Variants in VAV2 observed in about 807,000 individuals in gnomAD.
The protein encoded by VAV2 is guanine nucleotide exchange factor VAV2.
A neutral mutation model predicts 132.5 loss-of-function variants in VAV2; 67 were observed. The observed-to-expected ratio is 0.51, with a 90% confidence interval of 0.42 to 0.62. The LOEUF is 0.62. VAV2 is among the 20% of genes least tolerant of loss of function. The pLI is 0.00. For missense variants in VAV2, 938 were observed against 1,153.6 expected (o/e 0.81, Z 2.71); for synonymous variants, 492 against 443.5 (o/e 1.11, Z -1.37).
intron 2 of VAV2, among the ~76,000 whole-genome samples, chr9:133,898,832 TTTTTTTTTTG>T: frequency 6.9e-6 from 1 of 145,556 alleles, no homozygotes; most frequent in African/African-American, 2.5e-5. Context: ...TTTTTTTTTT[TTTTTTTTTTG>T]AGACGGAGTC....
rs925128446 is a variant in VAV2, at chr9:133,926,194, G to A, written c.321+12909C>T. On this transcript the variant is annotated intron_variant, in intron 2 of 29. Coordinates refer to ENST00000371850, the MANE Select transcript of VAV2 (RefSeq NM_001134398.2). This position sits in a 1 kb window ranked among gnomAD's most constrained non-coding sequence, Gnocchi z 4.3. The stretch of plus-strand genomic sequence containing the variant: ...TGGGGAAACTGAGGCCCAGGGAGTA[G>A]AGCAGTGACCAGTCCACGTACAATG... 2.6e-5 allele frequency: 4 copies of A among 152,396 alleles called. No individual in the cohort carries two copies. Among genetic ancestry groups the A allele is most frequent in the Non-Finnish European group, 5.9e-5 (4 of 68,274 alleles). The allele number at this position is 152,396 out of a possible 1,614,324, so 9.4% of individuals were successfully genotyped here. A position where few individuals can be genotyped will look rare whatever the true frequency, so the allele number is the denominator to read the frequency against.
intron 1 of VAV2, among the ~76,000 whole-genome samples, chr9:133,949,046 C>T (rs1033960898): frequency 1.3e-5 from 2 of 152,182 alleles, no homozygotes; most frequent in African/African-American, 4.8e-5. Flanking sequence ...TCGGTGGGTG[C>T]CTCTCCATCC....
intron 2 of VAV2, among the ~76,000 whole-genome samples, chr9:133,897,820 G>A (rs1459011212): frequency 6.6e-6 from 1 of 152,072 alleles, no homozygotes; most frequent in Non-Finnish European, 1.5e-5. Flanking sequence ...AAGGTCACTG[G>A]TATTAATGGA....
intron 9 of VAV2, among the ~76,000 whole-genome samples, 156 bp from the exon 10 acceptor site, chr9:133,797,965 G>A (rs564672915): frequency 6.6e-6 from 1 of 152,320 alleles, no homozygotes; most frequent in East Asian, 1.9e-4. Context: ...CAACGGCCAG[G>A]AGGCTGCTCT....
chr9:133,899,191 A>T (rs1839342796), intron 2 of VAV2, among the ~76,000 whole-genome samples: 1 of 151,950 alleles, frequency 6.6e-6, no homozygotes, highest in Admixed American at 6.5e-5. Context: ...CAGGGTCCCC[A>T]TCACAAACGC....
intron 1 of VAV2, among the ~76,000 whole-genome samples, chr9:133,940,699 G>GCA (rs1408450544): frequency 2.0e-5 from 3 of 151,630 alleles, no homozygotes; most frequent in African/African-American, 7.3e-5. Context: ...GTGTGTGTGT[G>GCA]TGTGTGTGTT....
At chr9:133,858,590 C>G (rs935431171) in intron 3 of VAV2, among the ~76,000 whole-genome samples, 1 of 152,216 alleles carries the variant, frequency 6.6e-6, no homozygotes, top group Non-Finnish European at 1.5e-5. Context: ...GGACCCCACA[C>G]ACACCCTGCT....
intron 1 of VAV2, among the ~76,000 whole-genome samples, chr9:133,939,785 A>G (rs570946843): frequency 6.6e-6 from 1 of 152,244 alleles, no homozygotes; most frequent in Non-Finnish European, 1.5e-5. Flanking sequence ...CGGGTGACAA[A>G]GCCAACAGCC....
At chr9:133,793,146 C>T (rs1390757790) in intron 12 of VAV2, among the ~76,000 whole-genome samples, 3 of 152,164 alleles carry the variant, frequency 2.0e-5, no homozygotes, top group Non-Finnish European at 2.9e-5. Flanking sequence ...GCCTGCCTGC[C>T]GTGCTGCAAT....
chr9:133,783,624 G>T, intron 18 of VAV2, 33 bp from the exon 19 acceptor site: 1 of 1,608,062 alleles, frequency 6.2e-7, no homozygotes, highest in Non-Finnish European at 8.5e-7. Context: ...TGAGGTCGAG[G>T]CTGGGGTCGG....
At chr9:133,941,590 T>G (rs1216415900) in intron 1 of VAV2, among the ~76,000 whole-genome samples, 1 of 127,688 alleles carries the variant, frequency 7.8e-6, no homozygotes, top group Non-Finnish European at 1.6e-5. Context: ...ACAAATCCTG[T>G]GTGAGTCCAC....
Position 133,771,134 on chromosome 9 carries a change from G to A in VAV2, c.2224-633C>T, listed in dbSNP as rs745814506. Among the ~76,000 whole-genome samples, 20 of 150,500 alleles carry A rather than the reference G, an allele frequency of 1.3e-4. No homozygotes were observed. In the Middle Eastern group the frequency reaches 0.01, roughly 77 times the overall value. ...GCTGGAGTGCAAGGGCGCAATCTCG[G>A]CTCACTGCAATCTCCGCCTCCTGGG... is the stretch of plus-strand genomic sequence containing the variant. On this transcript the variant is annotated intron_variant, in intron 26 of 29. Transcript: ENST00000371850.
chr9:133,871,683 T>TG (rs1211428935), intron 2 of VAV2, among the ~76,000 whole-genome samples: 3 of 152,010 alleles, frequency 2.0e-5, no homozygotes, highest in Non-Finnish European at 4.4e-5. Flanking sequence ...TCCCTAATGG[T>TG]GGGGGGTCCC....
chr9:133,833,874 G>A lies in VAV2; in HGVS notation c.449+398C>T, dbSNP rs1241559192. On this transcript the variant is annotated intron_variant, in intron 4 of 29. Coordinates refer to ENST00000371850, the MANE Select transcript of VAV2 (RefSeq NM_001134398.2). This position sits in a 1 kb window ranked among gnomAD's most constrained non-coding sequence, Gnocchi z 5.6. ...CTGAACCTGCGCTCCAGGCAGCACCGCTCCCTCCTCACAACACGGCATCCC... is the reference window on the plus strand; with the variant it reads ...CTGAACCTGCGCTCCAGGCAGCACCACTCCCTCCTCACAACACGGCATCCC... Among the ~76,000 whole-genome samples the A allele has an allele frequency of 6.6e-6, 1 of 152,080 alleles. No individual in the cohort carries two copies. Among genetic ancestry groups the A allele is most frequent in the South Asian group, 2.1e-4 (1 of 4,824 alleles).
rs149018441 is a variant in VAV2, at chr9:133,826,025, G to A, written c.449+8247C>T. On this transcript the variant is annotated intron_variant, in intron 4 of 29. Transcript: ENST00000371850. The surrounding 1 kb of genome is among the most constrained non-coding windows in gnomAD (Gnocchi z 4.2). ...TCGCGGATACATTACATTCCCTGCC[G>A]TGTCACGATCACATTTGTTTAAGCC... 5.3e-5 allele frequency among the ~76,000 whole-genome samples: 8 copies of A among 152,262 alleles called. No homozygotes were observed. In the East Asian group the frequency reaches 7.7e-4, roughly 15 times the overall value.
chr9:133,898,041 GC>G (rs1427058897), intron 2 of VAV2, among the ~76,000 whole-genome samples: 1 of 152,094 alleles, frequency 6.6e-6, no homozygotes, highest in Non-Finnish European at 1.5e-5. Context: ...ACCACGCAAA[GC>G]CTCCTACCAG....
At chr9:133,801,935 T>A (rs888302396) in intron 9 of VAV2, among the ~76,000 whole-genome samples, 1 of 151,886 alleles carries the variant, frequency 6.6e-6, no homozygotes, top group Non-Finnish European at 1.5e-5. Flanking sequence ...AGACTAGGAG[T>A]CTGGCCTCCA....
At chr9:133,871,693 C>A (rs1838062307) in intron 2 of VAV2, among the ~76,000 whole-genome samples, 2 of 152,156 alleles carry the variant, frequency 1.3e-5, no homozygotes, top group Non-Finnish European at 2.9e-5. Flanking sequence ...TGGGGGGTCC[C>A]AACCACCCAC....
At position 133,784,297 on chromosome 9, in the gene VAV2, T is replaced by C. The variant is rs1216201959; in HGVS notation, c.1634+20A>G. The C allele has an allele frequency of 6.2e-7, 1 of 1,610,926 alleles. No homozygotes were observed. Among genetic ancestry groups the C allele is most frequent in the East Asian group, 2.2e-5 (1 of 44,856 alleles). On this transcript the variant is annotated intron_variant, in intron 18 of 29. Transcript: ENST00000371850. ...TGGGCGTGGAGCGAGGTGAGGGCTG[T>C]AGCAGGGGGTTTCCCACACCTGAGG...
Sources: gnomAD v4.1 joint callset for allele counts (sites outside exome capture counted in the v4.1 genomes callset) on GRCh38, gnomAD v4.1.1 for gene constraint, Gnocchi (gnomAD v3.1) non-coding constraint, MANE v1.5 for transcripts, NCBI Gene and HGNC (gene_info 2026-07-23, HGNC 2026-07-21) for gene names.